The following CELF2 variants were observed in gnomAD, a reference collection of about 807,000 sequenced individuals.
The protein encoded by CELF2 is CUGBP Elav-like family member 2, also known as CUG triplet repeat RNA-binding protein 2.
A neutral mutation model predicts 62.6 loss-of-function variants in CELF2; 8 were observed. That is an observed-to-expected ratio of 0.13 (90% CI 0.07 to 0.23). CELF2 has a LOEUF of 0.23. CELF2 is among the 10% of genes least tolerant of loss of function. CELF2 has a pLI of 1.00. For missense variants in CELF2, 333 were observed against 671.0 expected, an observed-to-expected ratio of 0.50 and a Z score of 5.56; for synonymous variants, 258 against 250.0, an observed-to-expected ratio of 1.03 and a Z score of -0.30.
rs1370127784 is a variant in CELF2 at position 10,934,277 on chromosome 10, G to A, written c.89+14278G>A. Among the ~76,000 whole-genome samples, 2 of 152,194 alleles carry A rather than the reference G, an allele frequency of 1.3e-5. No homozygotes were observed. The highest frequency in any genetic ancestry group is 2.9e-5 in the Non-Finnish European group (2 of 68,032). ...GATGGTAATCTGTAACATCTATCAT[G>A]GTGGGAAGAGCCAGCAGCTTGTAAA... On this transcript the variant is annotated intron_variant, in intron 2 of 13. Transcript: ENST00000636488. The surrounding 1 kb of genome is among the most constrained non-coding windows in gnomAD (Gnocchi z 4.4).
chr10:11,140,014 C>T (rs1271299131), intron 1 of CELF2, among the ~76,000 whole-genome samples: 1 of 152,076 alleles, frequency 6.6e-6, no homozygotes, highest in African/African-American at 2.4e-5. Context: ...GAAATGGTTT[C>T]GTGGGATTTC....
the CELF2 span, among the ~76,000 whole-genome samples, chr10:10,556,062 AG>A: frequency 9.2e-5 from 14 of 152,134 alleles, no homozygotes; most frequent in African/African-American, 3.1e-4. Context: ...TTTAAGTTTT[AG>A]GGTACATGTG....
the CELF2 span, among the ~76,000 whole-genome samples, chr10:10,650,449 G>C: frequency 6.0e-3 from 912 of 152,196 alleles, 2 homozygotes; most frequent in Non-Finnish European, 8.2e-3. Flanking sequence ...TGCATACTCT[G>C]TAACCCAGAA....
chr10:11,060,326 G>A (rs1179293167), intron 1 of CELF2, among the ~76,000 whole-genome samples: 1 of 152,230 alleles, frequency 6.6e-6, no homozygotes, highest in Non-Finnish European at 1.5e-5. Flanking sequence ...AGTCAGTGGT[G>A]CCTTCAGGAT....
chr10:10,842,904 G>A (rs949828547), intron 1 of CELF2, among the ~76,000 whole-genome samples: 4 of 152,010 alleles, frequency 2.6e-5, no homozygotes, highest in Admixed American at 1.3e-4. Flanking sequence ...ATTCACCAGC[G>A]GAACCATCTC....
rs1382408532 is a variant in CELF2, at chr10:11,311,849, G to A, written c.977-2290G>A. On this transcript the variant is annotated intron_variant, in intron 9 of 12. Transcript: ENST00000633077. This position sits in a 1 kb window ranked among gnomAD's most constrained non-coding sequence, Gnocchi z 4.7. ...GGTCTAGCTAAATTCCTAGTGGAAA[G>A]GAGAAAGAGAATGGGGGAAAGTCAA... Among the ~76,000 whole-genome samples the A allele has an allele frequency of 1.3e-5, 2 of 152,052 alleles. No individual in the cohort carries two copies. Among genetic ancestry groups the A allele is most frequent in the African/African-American group, 4.8e-5 (2 of 41,400 alleles).
intron 1 of CELF2, among the ~76,000 whole-genome samples, chr10:11,023,155 G>T (rs764735252): frequency 2.0e-5 from 3 of 152,154 alleles, no homozygotes; most frequent in Non-Finnish European, 4.4e-5. Context: ...ATGTTTGTCA[G>T]TGTAATGTTT....
chr10:11,033,640 A>G (rs2060499218), intron 1 of CELF2, among the ~76,000 whole-genome samples: 1 of 152,258 alleles, frequency 6.6e-6, no homozygotes, highest in East Asian at 1.9e-4. Context: ...TTAGCCAATC[A>G]GCAAAATTTA....
At chr10:10,739,523 C>T in the CELF2 span, among the ~76,000 whole-genome samples, 1 of 152,122 alleles carries the variant, frequency 6.6e-6, no homozygotes, top group South Asian at 2.1e-4. Context: ...ATCCAGCTTC[C>T]CATAATGTTA....
the CELF2 span, among the ~76,000 whole-genome samples, chr10:10,608,922 G>C: frequency 6.6e-6 from 1 of 152,286 alleles, no homozygotes; most frequent in East Asian, 1.9e-4. Context: ...CTTAGTATTG[G>C]AAAGTATAAA....
chr10:11,285,829 GTGTGTGTGT>G lies in CELF2; in HGVS notation c.842-2588_842-2580del, dbSNP rs1565774720. On this transcript the variant is annotated intron_variant, in intron 8 of 12. Coordinates refer to ENST00000633077, the MANE Select transcript of CELF2 (RefSeq NM_001326342.2). This position sits in a 1 kb window ranked among gnomAD's most constrained non-coding sequence, Gnocchi z 4.3. ...CTCATCACCTACTATATATATTGGTGTGTGTGTGTGTGTGTGTGTGTGTGTGTGTGTGTG... is the reference window on the plus strand; with the variant it reads ...CTCATCACCTACTATATATATTGGTGGTGTGTGTGTGTGTGTGTGTGTGTG... 4.4e-3 allele frequency among the ~76,000 whole-genome samples: 59 copies of G among 13,474 alleles called. No individual in the cohort carries two copies. Among genetic ancestry groups the G allele is most frequent in the African/African-American group, 0.011 (46 of 4,310 alleles). 8.8% of individuals were successfully genotyped at this position (13,474 alleles called of 152,430 possible).
At chr10:10,945,474 G>A in intron 2 of CELF2, among the ~76,000 whole-genome samples, 1 of 152,178 alleles carries the variant, frequency 6.6e-6, no homozygotes, top group Middle Eastern at 3.2e-3. Context: ...TCTGCACCGA[G>A]GCCTGTTTGA....
Position 11,270,993 on chromosome 10 carries a change from G to T in CELF2, c.777+169G>T, listed in dbSNP as rs2138627053. 6.6e-6 allele frequency among the ~76,000 whole-genome samples: 1 copy of T among 152,342 alleles called. No individual in the cohort carries two copies. The highest frequency in any genetic ancestry group is 1.9e-4 in the East Asian group (1 of 5,186). ...TTCCAAGTTAGATTGATTCTGTTAA[G>T]AACAGGACTAATTGAATTCCTGCCT... On this transcript the variant is annotated intron_variant, in intron 7 of 12. Transcript: ENST00000633077. This position sits in a 1 kb window ranked among gnomAD's most constrained non-coding sequence, Gnocchi z 5.8.
the CELF2 span, among the ~76,000 whole-genome samples, chr10:10,587,271 C>T: frequency 3.3e-5 from 5 of 152,160 alleles, no homozygotes; most frequent in Non-Finnish European, 5.9e-5. Context: ...AACAAAATGT[C>T]GATAGGACAT....
the CELF2 span, among the ~76,000 whole-genome samples, chr10:10,503,748 T>C: frequency 6.6e-6 from 1 of 152,010 alleles, no homozygotes; most frequent in Non-Finnish European, 1.5e-5. Flanking sequence ...TAATTTGTTA[T>C]GGCTTAAGTC....
At chr10:11,121,768 A>C (rs560136366) in intron 1 of CELF2, among the ~76,000 whole-genome samples, 77 of 152,040 alleles carry the variant, frequency 5.1e-4, no homozygotes, top group Non-Finnish European at 9.1e-4. Context: ...CTGTTTCTTA[A>C]TGAAGGATGC....
At chr10:10,896,683 G>T (rs1175298002) in intron 1 of CELF2, among the ~76,000 whole-genome samples, 1 of 152,062 alleles carries the variant, frequency 6.6e-6, no homozygotes, top group East Asian at 1.9e-4. Flanking sequence ...AACATCAGAA[G>T]GTAGGAAGAG....
At chr10:10,544,673 C>T in the CELF2 span, among the ~76,000 whole-genome samples, 3 of 152,138 alleles carry the variant, frequency 2.0e-5, no homozygotes, top group Non-Finnish European at 2.9e-5. Context: ...TTTTGTGCGA[C>T]ATCATTATTA....
In CELF2 at chr10:11,156,906, G is replaced by A. The variant is rs1475892588; in HGVS notation, c.75-8580G>A. 6.6e-6 allele frequency among the ~76,000 whole-genome samples: 1 copy of A among 152,198 alleles called. No individual in the cohort carries two copies. The highest frequency in any genetic ancestry group is 1.5e-5 in the Non-Finnish European group (1 of 68,032). Reference sequence around the variant, plus strand: ...AGCCTAAAAGCTGATTGGAGGAAAAGAAGACCGGAAGAGATGAACTTTAGG... The same window carrying A: ...AGCCTAAAAGCTGATTGGAGGAAAAAAAGACCGGAAGAGATGAACTTTAGG... On this transcript the variant is annotated intron_variant, in intron 1 of 12. Coordinates refer to ENST00000633077, the MANE Select transcript of CELF2 (RefSeq NM_001326342.2). The surrounding 1 kb of genome is among the most constrained non-coding windows in gnomAD (Gnocchi z 4.3).
Sources: gnomAD v4.1 joint callset for allele counts (sites outside exome capture counted in the v4.1 genomes callset) on GRCh38, gnomAD v4.1.1 for gene constraint, Gnocchi (gnomAD v3.1) non-coding constraint, MANE v1.5 for transcripts, NCBI Gene and HGNC (gene_info 2026-07-23, HGNC 2026-07-21) for gene names.